CCNF: variants seen among roughly 807,000 people sequenced by gnomAD.
The protein encoded by CCNF is cyclin F.
CCNF carries 30 observed loss-of-function variants against 85.4 expected under a neutral mutation model. The observed-to-expected ratio is 0.35, with a 90% CI of 0.26 to 0.48. The LOEUF is 0.48. Among genes scored for constraint, CCNF ranks in the 20% least tolerant of loss-of-function variants. The pLI is 0.99. For missense variants in CCNF, 919 were observed against 1,010.4 expected, an observed-to-expected ratio of 0.91 and a Z score of 1.23; for synonymous variants, 439 against 425.1, an observed-to-expected ratio of 1.03 and a Z score of -0.40.
At chr16:2,447,738 A>AG (rs2065369770) in intron 10 of CCNF, among the ~76,000 whole-genome samples, 1 of 151,642 alleles carries the variant, frequency 6.6e-6, no homozygotes, top group African/African-American at 2.4e-5. Flanking sequence ...TGGGTGACAG[A>AG]GGGAAACTCT....
At position 2,435,817 on chromosome 16, in the gene CCNF, A is replaced by G. The variant is rs1465313712; in HGVS notation, c.290A>G (p.Lys97Arg). Residue 97 changes from lysine to arginine, a missense_variant, in exon 4 of 17, where the codon AAG becomes AGG. Transcript: ENST00000397066. The stretch of plus-strand genomic sequence containing the variant: ...TCTTAATGTTTCAGGGCTGCTGAAA[A>G]GGGGAATTTCGAAGCTGCTGTGAAG... ...NLKLFERAAE[K>R]GNFEAAVKLG... 5.9e-5 allele frequency: 96 copies of G among 1,613,510 alleles called. No individual in the cohort carries two copies. The highest frequency in any genetic ancestry group is 7.6e-5 in the Non-Finnish European group (90 of 1,179,716).
At position 2,442,890 on chromosome 16, in the gene CCNF, ATT is replaced by A. The variant is rs1474830408; in HGVS notation, c.778-758_778-757del. Among the ~76,000 whole-genome samples the A allele has an allele frequency of 5.0e-3, 34 of 6,792 alleles. 1 individual carries two copies. Among genetic ancestry groups the A allele is most frequent in the African/African-American group, 0.021 (3 of 140 alleles). The allele number at this position is 6,792 out of a possible 152,430, so 4.5% of individuals were successfully genotyped here. ...TATATATATTATATTATAATTATAT[ATT>A]ATATATTATATAATATATAAATATA... On this transcript the variant is annotated intron_variant, in intron 8 of 16. Transcript: ENST00000397066.
chr16:2,437,542 G>A lies in CCNF; in HGVS notation c.540+220G>A, dbSNP rs149826921. The stretch of plus-strand genomic sequence containing the variant: ...GTGGGCTGTGGAGTTCTGGGTACAC[G>A]TGCTGACAGCTGGAAACATGGGGCT... On this transcript the variant is annotated intron_variant, in intron 5 of 16. Coordinates refer to ENST00000397066, the MANE Select transcript of CCNF (RefSeq NM_001761.3). The A allele has an allele frequency of 5.2e-3, 2,556 of 491,206 alleles. 24 individuals are homozygous for A. The highest frequency in any genetic ancestry group is 9.6e-3 in the South Asian group (301 of 31,276). The allele number at this position is 491,206 out of a possible 1,614,324, so 30.4% of individuals were successfully genotyped here. A position where few individuals can be genotyped will look rare whatever the true frequency, so the allele number is the denominator to read the frequency against.
chr16:2,439,455 G>C lies in CCNF; in HGVS notation c.697G>C (p.Asp233His), dbSNP rs140493876. 3.1e-5 allele frequency: 49 copies of C among 1,603,496 alleles called. 1 individual carries two copies. Among genetic ancestry groups the C allele is most frequent in the South Asian group, 1.8e-4 (16 of 90,024 alleles). The change falls in exon 7 of 17, where the codon GAT becomes CAT. Residue 233 changes from aspartate to histidine, a missense_variant and splice_region_variant. Around this residue, in one of 3 missense-constraint regions of CCNF, gnomAD observed 410 missense variants for 478.6 expected, o/e 0.86. Coordinates refer to ENST00000397066, the MANE Select transcript of CCNF (RefSeq NM_001761.3). ...YLLWESDRRTDVSDPGRCLHS... is the reference protein window; with the variant it reads ...YLLWESDRRTHVSDPGRCLHS... Reference sequence around the variant, plus strand: ...CCTCTGGGAAAGCGACAGGAGGACAGATGTGAGTGGTGCCTGCTCTGGGTC... The same window carrying C: ...CCTCTGGGAAAGCGACAGGAGGACACATGTGAGTGGTGCCTGCTCTGGGTC...
chr16:2,437,418 G>A (rs1258318525), intron 5 of CCNF, 96 bp downstream of exon 5: 9 of 931,096 alleles, frequency 9.7e-6, no homozygotes, highest in Middle Eastern at 3.4e-4. Flanking sequence ...TGGAAAGTCA[G>A]GAGCCTAAGG....
intron 5 of CCNF, chr16:2,437,725 C>G: frequency 3.1e-6 from 1 of 319,400 alleles, no homozygotes; most frequent in Non-Finnish European, 5.8e-6. Context: ...CTCGAAACCT[C>G]GTCTCTACAA....
chr16:2,442,120 C>T (rs1430246696), intron 8 of CCNF, among the ~76,000 whole-genome samples: 1 of 146,018 alleles, frequency 6.8e-6, no homozygotes, highest in Non-Finnish European at 1.5e-5. Context: ...ATTCTCCTGC[C>T]TCAGCCTCCC....
intron 10 of CCNF, among the ~76,000 whole-genome samples, chr16:2,445,973 G>A (rs2065360347): frequency 2.0e-5 from 3 of 151,944 alleles, no homozygotes; most frequent in South Asian, 2.1e-4. Context: ...CAAATGATCC[G>A]CCCGCCTCAA....
chr16:2,437,932 C>A, intron 5 of CCNF, 138 bp from the exon 6 acceptor site: 7 of 538,172 alleles, frequency 1.3e-5, no homozygotes, highest in Non-Finnish European at 2.0e-5. Flanking sequence ...AGACTGAAAT[C>A]TGGGAGTGGC....
At position 2,435,026 on chromosome 16, in the gene CCNF, G is replaced by A. The variant is rs534707687; in HGVS notation, c.279-780G>A. Reference sequence around the variant, plus strand: ...TCCCAGCACTTTGGGAGGCCGAGGCGGGTGGATCATGAGATCAGATCGAGA... The same window carrying A: ...TCCCAGCACTTTGGGAGGCCGAGGCAGGTGGATCATGAGATCAGATCGAGA... On this transcript the variant is annotated intron_variant, in intron 3 of 16. Transcript: ENST00000397066. Among the ~76,000 whole-genome samples, 4 of 151,886 alleles carry A rather than the reference G, an allele frequency of 2.6e-5. No homozygotes were observed. In the South Asian group the frequency reaches 8.4e-4, roughly 32 times the overall value.
At chr16:2,448,531 C>T (rs1181208587) in intron 10 of CCNF, among the ~76,000 whole-genome samples, 1 of 152,212 alleles carries the variant, frequency 6.6e-6, no homozygotes, top group Admixed American at 6.5e-5. Flanking sequence ...CTTAGCGTCC[C>T]AAGTAACTGA....
chr16:2,454,391 G>A (rs867403482), intron 15 of CCNF, among the ~76,000 whole-genome samples: 41 of 152,202 alleles, frequency 2.7e-4, no homozygotes, highest in African/African-American at 8.9e-4. Context: ...GGGTCATCAC[G>A]AGGAAAGTCC....
In CCNF at chr16:2,453,474, C is replaced by A. The variant is rs534549622; in HGVS notation, c.1652C>A (p.Thr551Asn). The change falls in exon 15 of 17, where the codon ACT becomes AAT. Residue 551 changes from threonine (T) to asparagine (N), a missense_variant. By Grantham distance (65) the Thr-to-Asn change is moderately conservative. This residue lies in a region of CCNF where 505 missense variants were observed against 514.8 expected (regional missense o/e 0.98). Transcript: ENST00000397066. This position sits in a 1 kb window ranked among gnomAD's most constrained non-coding sequence, Gnocchi z 5.6. The part of the protein sequence containing the change: ...GVTQDSPDPP[T>N]FLSTGEIHAF... ...ACACAAGACAGCCCCGACCCCCCGA[C>A]TTTCCTCAGCACAGGGGAGATCCAC... The A allele has an allele frequency of 3.0e-5, 48 of 1,614,008 alleles. No homozygotes were observed. Among genetic ancestry groups the A allele is most frequent in the South Asian group, 9.9e-5 (9 of 91,090 alleles).
rs1471808849 is a variant in CCNF at position 2,453,218 on chromosome 16, A to G, written c.1496A>G (p.Asp499Gly). The G allele has an allele frequency of 1.2e-6, 2 of 1,613,686 alleles. No homozygotes were observed. Among genetic ancestry groups the G allele is most frequent in the Non-Finnish European group, 8.5e-7 (1 of 1,180,000 alleles). The change falls in exon 14 of 17, where the codon GAT becomes GGT. Residue 499 changes from aspartate to glycine, a missense_variant. Asp to Gly is a moderately conservative substitution (Grantham distance 94, BLOSUM62 -1). This residue lies in a region of CCNF where 505 missense variants were observed against 514.8 expected (regional missense o/e 0.98). Transcript: ENST00000397066. This position sits in a 1 kb window ranked among gnomAD's most constrained non-coding sequence, Gnocchi z 5.6. ...CGTGACTCTGTTTCCAGCTTCCATG[A>G]TGACGCCCCCAAGGACTACAGGCAA... Reference protein sequence around the residue: ...VLSLHKKCFHDDAPKDYRQVS... With the variant: ...VLSLHKKCFHGDAPKDYRQVS...
chr16:2,437,047 A>G, intron 4 of CCNF, 82 bp from the exon 5 acceptor site: 1 of 1,246,856 alleles, frequency 8.0e-7, no homozygotes, highest in Non-Finnish European at 1.1e-6. Flanking sequence ...CAGGCATTAC[A>G]CTTTCCACCA....
At position 2,453,239 on chromosome 16, in the gene CCNF, G is replaced by T. The variant is rs759632058; in HGVS notation, c.1517G>T (p.Arg506Met). The T allele has an allele frequency of 2.5e-6, 4 of 1,613,744 alleles. No individual in the cohort carries two copies. Among genetic ancestry groups the T allele is most frequent in the Non-Finnish European group, 3.4e-6 (4 of 1,180,010 alleles). Reference sequence around the variant, plus strand: ...CATGATGACGCCCCCAAGGACTACAGGCAAGTCTCTCTGACCGCCGTGAAG... The same window carrying T: ...CATGATGACGCCCCCAAGGACTACATGCAAGTCTCTCTGACCGCCGTGAAG... ...CFHDDAPKDY[R>M]QVSLTAVKQR... Residue 506 changes from arginine to methionine, a missense_variant, in exon 14 of 17, where the codon AGG becomes ATG. Transcript: ENST00000397066. This position sits in a 1 kb window ranked among gnomAD's most constrained non-coding sequence, Gnocchi z 5.6.
chr16:2,437,219 C>T lies in CCNF; in HGVS notation c.437C>T (p.Ala146Val), dbSNP rs770996337. The T allele has an allele frequency of 3.1e-6, 5 of 1,613,124 alleles. No homozygotes were observed. Among genetic ancestry groups the T allele is most frequent in the East Asian group, 2.2e-5 (1 of 44,860 alleles). ...SLAERLNVGA[A>V]PFIWLFIRPP... The stretch of plus-strand genomic sequence containing the variant: ...GCTGAGCGGCTGAATGTGGGTGCCG[C>T]ACCTTTCATCTGGCTCTTCATCCGC... The change falls in exon 5 of 17, where the codon GCA becomes GTA. Residue 146 changes from alanine to valine, a missense_variant. Ala to Val is a moderately conservative substitution (Grantham distance 64). Transcript: ENST00000397066.
rs1596911857 is a variant in CCNF at position 2,429,641 on chromosome 16, C to T, written c.16+144C>T. The T allele has an allele frequency of 6.7e-6, 6 of 899,140 alleles. No individual in the cohort carries two copies. In the East Asian group the frequency reaches 2.2e-4, roughly 33 times the overall value. 55.7% of individuals were successfully genotyped at this position (899,140 alleles called of 1,614,324 possible). A position where few individuals can be genotyped will look rare whatever the true frequency, so the allele number is the denominator to read the frequency against. Reference sequence around the variant, plus strand: ...GCTCTTTAACCCGGGGCGGATGTCGCGTCCCGCGCAGGGAGCCCCGGCGGC... The same window carrying T: ...GCTCTTTAACCCGGGGCGGATGTCGTGTCCCGCGCAGGGAGCCCCGGCGGC... On this transcript the variant is annotated intron_variant, in intron 1 of 16. Coordinates refer to ENST00000397066, the MANE Select transcript of CCNF (RefSeq NM_001761.3).
At chr16:2,435,714 G>T in intron 3 of CCNF, 92 bp from the exon 4 acceptor site, 8 of 621,408 alleles carry the variant, frequency 1.3e-5, no homozygotes, top group East Asian at 2.8e-5. Flanking sequence ...TTCAATTCAG[G>T]GAACAAGTAT....
Sources: gnomAD v4.1 joint callset for allele counts (sites outside exome capture counted in the v4.1 genomes callset) on GRCh38, gnomAD v4.1.1 for gene constraint, gnomAD v4.1.1 regional missense constraint, Gnocchi (gnomAD v3.1) non-coding constraint, MANE v1.5 for transcripts, NCBI Gene and HGNC (gene_info 2026-07-23, HGNC 2026-07-21) for gene names.